The following PTPRK variants were observed in gnomAD, a reference collection of about 807,000 sequenced individuals.
The protein encoded by PTPRK is protein tyrosine phosphatase receptor type K.
Under a neutral mutation model 178.0 loss-of-function variants are expected in PTPRK, and 75 were observed. The ratio of observed to expected loss-of-function variants is 0.42; its 90% CI spans 0.35 to 0.51. PTPRK has a LOEUF of 0.51. PTPRK is among the 20% of genes least tolerant of loss of function. The pLI is 0.02. For synonymous variants in PTPRK, 637 were observed against 620.6 expected (o/e 1.03, Z -0.39); for missense variants, 1,441 against 1,797.8 (o/e 0.80, Z 3.59).
chr6:128,464,853 TAAC>T (rs1210205053), intron 1 of PTPRK, among the ~76,000 whole-genome samples: 2 of 145,862 alleles, frequency 1.4e-5, no homozygotes, highest in Admixed American at 6.8e-5. Context: ...AAAAAGACAA[TAAC>T]AACACAAAAA....
At chr6:128,383,400 C>T (rs1462018799) in intron 2 of PTPRK, among the ~76,000 whole-genome samples, 2 of 152,090 alleles carry the variant, frequency 1.3e-5, no homozygotes, top group African/African-American at 4.8e-5. Flanking sequence ...TCAGACAATC[C>T]TCTTGACCAG....
At chr6:128,121,184 T>C (rs756080074) in intron 7 of PTPRK, among the ~76,000 whole-genome samples, 6 of 151,928 alleles carry the variant, frequency 3.9e-5, no homozygotes, top group Non-Finnish European at 8.8e-5. Flanking sequence ...TAAAATAAAT[T>C]AGCCTTAAAT....
chr6:128,029,677 T>TAATA (rs1219658703), intron 13 of PTPRK, among the ~76,000 whole-genome samples: 2 of 147,804 alleles, frequency 1.4e-5, no homozygotes, highest in Non-Finnish European at 3.0e-5. Flanking sequence ...ATAATAATAA[T>TAATA]AATAATAATA....
intron 5 of PTPRK, chr6:128,235,605 C>G: frequency 2.0e-6 from 1 of 500,306 alleles, no homozygotes; most frequent in Non-Finnish European, 4.1e-6. Flanking sequence ...GTCTGAAAAT[C>G]TTAAATGAAA....
At chr6:128,295,403 A>AT (rs980127498) in intron 3 of PTPRK, among the ~76,000 whole-genome samples, 9 of 151,864 alleles carry the variant, frequency 5.9e-5, no homozygotes, top group South Asian at 4.2e-4. Context: ...ACAAAGCAAG[A>AT]TTTTTTTTTA....
chr6:127,976,540 G>A (rs1774620745), intron 27 of PTPRK, 117 bp downstream of exon 27: 5 of 1,220,386 alleles, frequency 4.1e-6, no homozygotes, highest in Non-Finnish European at 5.8e-6. Context: ...TAGCTTTGAG[G>A]TGGATGATAT....
intron 1 of PTPRK, among the ~76,000 whole-genome samples, chr6:128,494,676 C>T (rs1854396531): frequency 6.6e-6 from 1 of 152,216 alleles, no homozygotes; most frequent in South Asian, 2.1e-4. Context: ...TATTACAACA[C>T]TTCAATGGAA....
chr6:128,075,013 G>C (rs563750957), intron 11 of PTPRK, among the ~76,000 whole-genome samples: 2 of 152,084 alleles, frequency 1.3e-5, no homozygotes, highest in South Asian at 4.2e-4. Context: ...ACAAAACCTT[G>C]AATTCTGAGA....
intron 3 of PTPRK, among the ~76,000 whole-genome samples, chr6:128,295,940 A>T (rs1216531733): frequency 6.6e-6 from 1 of 152,170 alleles, no homozygotes; most frequent in African/African-American, 2.4e-5. Context: ...TTAGACTTAC[A>T]TCCTTACAGA....
At chr6:128,043,732 G>T (rs1777581541) in intron 13 of PTPRK, among the ~76,000 whole-genome samples, 1 of 151,666 alleles carries the variant, frequency 6.6e-6, no homozygotes, top group Non-Finnish European at 1.5e-5. Flanking sequence ...GAATCTGAAT[G>T]TTATTACACA....
chr6:128,431,444 C>T (rs1368731941), intron 1 of PTPRK, among the ~76,000 whole-genome samples: 1 of 152,038 alleles, frequency 6.6e-6, no homozygotes, highest in Non-Finnish European at 1.5e-5. Flanking sequence ...ACACCAGATT[C>T]CAATCTCTCC....
intron 1 of PTPRK, among the ~76,000 whole-genome samples, chr6:128,409,014 G>A (rs1013450428): frequency 1.3e-5 from 2 of 152,198 alleles, no homozygotes; most frequent in Non-Finnish European, 2.9e-5. Flanking sequence ...CAGAGGTAAA[G>A]AGATGTTGAA....
intron 3 of PTPRK, among the ~76,000 whole-genome samples, chr6:128,314,335 C>T (rs984273780): frequency 6.6e-6 from 1 of 152,218 alleles, no homozygotes; most frequent in Non-Finnish European, 1.5e-5. Context: ...ACTTATTCAG[C>T]ACTGTCCAAC....
intron 3 of PTPRK, among the ~76,000 whole-genome samples, chr6:128,299,013 T>G (rs1443720623): frequency 2.0e-5 from 3 of 152,188 alleles, no homozygotes; most frequent in Non-Finnish European, 4.4e-5. Flanking sequence ...ATAAGCAACT[T>G]CAGCGAAGTC....
chr6:128,288,160 A>G (rs1045483400), intron 3 of PTPRK, among the ~76,000 whole-genome samples: 4 of 152,192 alleles, frequency 2.6e-5, no homozygotes, highest in African/African-American at 9.6e-5. Context: ...AGCTTTCACA[A>G]AACTGAAAGT....
At chr6:128,064,861 T>C (rs945651210) in intron 12 of PTPRK, 67 bp from the exon 13 acceptor site, 28 of 1,473,410 alleles carry the variant, frequency 1.9e-5, no homozygotes, top group Non-Finnish European at 2.5e-5. Flanking sequence ...TCATAAACTA[T>C]AATTATTATG....
chr6:127,974,904 A>G (rs1774351092), intron 27 of PTPRK, among the ~76,000 whole-genome samples: 1 of 152,144 alleles, frequency 6.6e-6, no homozygotes, highest in Non-Finnish European at 1.5e-5. Context: ...AAAACCTTAA[A>G]CCTTGAAATA....
rs77758675 is a variant in PTPRK at position 128,519,981 on chromosome 6, C to T, written c.100+278G>A. ...CTTTCTCTCTTCCCCACTAGCCCGGCGCAGGCCACGCGAGACGCCGAAGCC... is the reference window on the plus strand; with the variant it reads ...CTTTCTCTCTTCCCCACTAGCCCGGTGCAGGCCACGCGAGACGCCGAAGCC... On this transcript the variant is annotated intron_variant, in intron 1 of 29. Transcript: ENST00000368226. This position sits in a 1 kb window ranked among gnomAD's most constrained non-coding sequence, Gnocchi z 4.3. Among the ~76,000 whole-genome samples, 3,463 of 152,328 alleles carry T rather than the reference C, an allele frequency of 0.023. 64 individuals are homozygous for T. The highest frequency in any genetic ancestry group is 0.033 in the Non-Finnish European group (2,255 of 68,038).
chr6:128,008,468 T>C (rs1243042054), intron 14 of PTPRK, among the ~76,000 whole-genome samples: 1 of 151,054 alleles, frequency 6.6e-6, no homozygotes, highest in African/African-American at 2.4e-5. Flanking sequence ...TAGCTCATAT[T>C]ATAAAAACTG....
Sources: gnomAD v4.1 joint callset for allele counts (sites outside exome capture counted in the v4.1 genomes callset) on GRCh38, gnomAD v4.1.1 for gene constraint, Gnocchi (gnomAD v3.1) non-coding constraint, MANE v1.5 for transcripts, NCBI Gene and HGNC (gene_info 2026-07-23, HGNC 2026-07-21) for gene names.